Variants in TMEM45A observed in about 807,000 individuals in gnomAD.
The protein encoded by TMEM45A is DNA polymerase-transactivated protein 4.
In TMEM45A, 25 loss-of-function variants were observed where a neutral mutation model predicts 32.0. That is an observed-to-expected ratio of 0.78 (90% CI 0.57 to 1.09). The LOEUF is 1.09. Among genes scored for constraint, TMEM45A ranks in the 50% least tolerant of loss-of-function variants. TMEM45A has a pLI of 0.00. For synonymous variants in TMEM45A, 122 were observed against 114.8 expected, an observed-to-expected ratio of 1.06 and a Z score of -0.40; for missense variants, 302 against 325.0, an observed-to-expected ratio of 0.93 and a Z score of 0.54.
At chr3:100,567,056 C>T (rs1576294364) in intron 4 of TMEM45A, among the ~76,000 whole-genome samples, 2 of 152,108 alleles carry the variant, frequency 1.3e-5, no homozygotes, top group South Asian at 2.1e-4. Flanking sequence ...AAAAAATCAA[C>T]AAATTTCAAG....
rs576938577 is a variant in TMEM45A, at chr3:100,529,830, C to G, written c.-3-25379C>G. 6.6e-5 allele frequency among the ~76,000 whole-genome samples: 10 copies of G among 152,176 alleles called. No individual in the cohort carries two copies. The South Asian group carries it at 2.1e-3, about 32-fold the overall frequency. Reference sequence around the variant, plus strand: ...ATGGGGTTTCATTATGTTGCCCAGGCTGGTCTCAAACTCCTGAGCTCAAGT... The same window carrying G: ...ATGGGGTTTCATTATGTTGCCCAGGGTGGTCTCAAACTCCTGAGCTCAAGT... On this transcript the variant is annotated intron_variant, in intron 1 of 5. Transcript: ENST00000323523.
chr3:100,514,556 A>G (rs1305296903), intron 1 of TMEM45A, among the ~76,000 whole-genome samples: 2 of 151,982 alleles, frequency 1.3e-5, no homozygotes, highest in African/African-American at 2.4e-5. Flanking sequence ...CATTCAGGAC[A>G]TAGGCATGGG....
At chr3:100,529,953 A>C (rs1167829805) in intron 1 of TMEM45A, among the ~76,000 whole-genome samples, 1 of 152,166 alleles carries the variant, frequency 6.6e-6, no homozygotes, top group African/African-American at 2.4e-5. Context: ...CTATCAGAAC[A>C]ACATGTTTAC....
chr3:100,562,597 C>A (rs769313356), intron 4 of TMEM45A, among the ~76,000 whole-genome samples: 18 of 152,112 alleles, frequency 1.2e-4, no homozygotes, highest in Non-Finnish European at 2.6e-4. Flanking sequence ...TTGGAGGCTT[C>A]AAAAAGCAAT....
At chr3:100,523,711 CT>C (rs1411504735) in intron 1 of TMEM45A, among the ~76,000 whole-genome samples, 8 of 149,756 alleles carry the variant, frequency 5.3e-5, no homozygotes, top group African/African-American at 1.7e-4. Context: ...CCTCCTCCTC[CT>C]TTCTCCTCCT....
chr3:100,567,934 G>A (rs1185631022), intron 4 of TMEM45A, among the ~76,000 whole-genome samples: 1 of 151,986 alleles, frequency 6.6e-6, no homozygotes, highest in Non-Finnish European at 1.5e-5. Flanking sequence ...ACAGGTGCCT[G>A]CCACCATGCC....
intron 4 of TMEM45A, among the ~76,000 whole-genome samples, chr3:100,560,028 A>G (rs1315616769): frequency 6.6e-6 from 1 of 152,132 alleles, no homozygotes; most frequent in Non-Finnish European, 1.5e-5. Flanking sequence ...CAGTGGAACT[A>G]AAAGAAAGTA....
At chr3:100,521,338 T>C (rs1307491954) in intron 1 of TMEM45A, among the ~76,000 whole-genome samples, 1 of 151,900 alleles carries the variant, frequency 6.6e-6, no homozygotes, top group African/African-American at 2.4e-5. Flanking sequence ...CACCGCAACC[T>C]CTGCCTCCTG....
chr3:100,561,112 C>T (rs1364799229), intron 4 of TMEM45A, among the ~76,000 whole-genome samples: 1 of 152,160 alleles, frequency 6.6e-6, no homozygotes, highest in Non-Finnish European at 1.5e-5. Flanking sequence ...CAAACACACA[C>T]ACTGGCAGGA....
At chr3:100,567,152 T>TTA (rs1706458015) in intron 4 of TMEM45A, among the ~76,000 whole-genome samples, 1 of 151,840 alleles carries the variant, frequency 6.6e-6, no homozygotes, top group Admixed American at 6.6e-5. Context: ...TGAGTTCATT[T>TTA]TATATATATA....
At chr3:100,573,046 CTTTG>C (rs1303454197) in intron 5 of TMEM45A, 1 of 151,158 alleles carries the variant, frequency 6.6e-6, no homozygotes, top group African/African-American at 2.4e-5. Flanking sequence ...ATGCCTCCAG[CTTTG>C]TTCTTTTGGC....
intron 1 of TMEM45A, among the ~76,000 whole-genome samples, chr3:100,552,393 T>C (rs1439856201): frequency 6.6e-6 from 1 of 152,118 alleles, no homozygotes; most frequent in African/African-American, 2.4e-5. Flanking sequence ...AAGGGTGTAA[T>C]AGGGACCCTC....
intron 5 of TMEM45A, among the ~76,000 whole-genome samples, chr3:100,575,697 T>C (rs1706670379): frequency 6.6e-6 from 1 of 152,134 alleles, no homozygotes; most frequent in South Asian, 2.1e-4. Flanking sequence ...ATGAAAACAG[T>C]CACCAGGATG....
At chr3:100,509,101 T>C (rs1708118422) in intron 1 of TMEM45A, among the ~76,000 whole-genome samples, 1 of 151,986 alleles carries the variant, frequency 6.6e-6, no homozygotes, top group African/African-American at 2.4e-5. Flanking sequence ...TACAACGAAC[T>C]CCATCAACTT....
At position 100,508,757 on chromosome 3, in the gene TMEM45A, G is replaced by A. The variant is rs528337801; in HGVS notation, c.-4+15829G>A. Among the ~76,000 whole-genome samples the A allele has an allele frequency of 4.7e-4, 71 of 152,126 alleles. No homozygotes were observed. The East Asian group carries it at 0.014, about 29-fold the overall frequency. On this transcript the variant is annotated intron_variant, in intron 1 of 5. Transcript: ENST00000323523. ...GGTGCTGGGAAAACTGGATATTCATGTGCAGAAGAATGAAACTGTCTGAAT... is the reference window on the plus strand; with the variant it reads ...GGTGCTGGGAAAACTGGATATTCATATGCAGAAGAATGAAACTGTCTGAAT...
At chr3:100,549,103 C>T (rs9811273) in intron 1 of TMEM45A, among the ~76,000 whole-genome samples, 8,859 of 151,994 alleles carry the variant, frequency 0.058, 893 homozygotes, top group African/African-American at 0.2. Flanking sequence ...CAAAAATTAG[C>T]TGGTATGGTG....
chr3:100,555,372 G>T lies in TMEM45A; in HGVS notation c.161G>T (p.Gly54Val). 3 of 1,613,882 alleles carry T rather than the reference G, an allele frequency of 1.9e-6. No homozygotes were observed. Among genetic ancestry groups the T allele is most frequent in the Non-Finnish European group, 2.5e-6 (3 of 1,179,910 alleles). The change falls in exon 2 of 6, where the codon GGA (glycine) becomes GTA (valine). Residue 54 changes from glycine (G) to valine (V), a missense_variant. Gly to Val is a moderately radical substitution (Grantham distance 109). Transcript: ENST00000323523. The part of the protein sequence containing the change: ...TLFYRLEILE[G>V]ITIVGMALTG... ...TTCTATCGATTGGAAATTTTGGAGG[G>T]AATTACAATAGTTGGCATGGCTTTA...
intron 1 of TMEM45A, among the ~76,000 whole-genome samples, chr3:100,522,757 C>T (rs1373276422): frequency 6.6e-6 from 1 of 152,174 alleles, no homozygotes; most frequent in African/African-American, 2.4e-5. Context: ...TGGGGGCACA[C>T]AGGTATGCTA....
intron 1 of TMEM45A, among the ~76,000 whole-genome samples, chr3:100,505,603 T>A (rs890776856): frequency 9.9e-5 from 15 of 152,176 alleles, no homozygotes; most frequent in African/African-American, 3.6e-4. Context: ...TTTAAGATTG[T>A]CTGTTCTGTG....
Sources: gnomAD v4.1 joint callset for allele counts (sites outside exome capture counted in the v4.1 genomes callset) on GRCh38, gnomAD v4.1.1 for gene constraint, MANE v1.5 for transcripts, NCBI Gene and HGNC (gene_info 2026-07-23, HGNC 2026-07-21) for gene names.